FOXP1: variants seen among roughly 807,000 people sequenced by gnomAD.
FOXP1 encodes forkhead box P1.
In FOXP1, 15 loss-of-function variants were observed where a neutral mutation model predicts 98.2. The ratio of observed to expected loss-of-function variants is 0.15; its 90% CI spans 0.10 to 0.24. FOXP1 has a LOEUF of 0.24. Ranked by LOEUF, FOXP1 falls within the 10% of genes least tolerant of loss-of-function variation. FOXP1 has a pLI of 1.00. For missense variants in FOXP1, 633 were observed against 848.5 expected (o/e 0.75, Z 3.15); for synonymous variants, 371 against 314.5 (o/e 1.18, Z -1.90).
At chr3:71,300,870 C>T (rs1293380474) in intron 4 of FOXP1, among the ~76,000 whole-genome samples, 1 of 152,056 alleles carries the variant, frequency 6.6e-6, no homozygotes, top group Admixed American at 6.5e-5. Flanking sequence ...GGAATATATC[C>T]CTGCTCATCC....
intron 14 of FOXP1, 146 bp from the exon 15 acceptor site, chr3:70,978,175 C>T (rs777244361): frequency 1.3e-4 from 93 of 708,112 alleles, no homozygotes; most frequent in South Asian, 1.1e-3. Flanking sequence ...CCGAAACACA[C>T]GGTGAGTCCT....
At chr3:71,492,191 C>T (rs950887614) in intron 3 of FOXP1, among the ~76,000 whole-genome samples, 1 of 152,136 alleles carries the variant, frequency 6.6e-6, no homozygotes, top group African/African-American at 2.4e-5. Flanking sequence ...GTGGCTCACA[C>T]CTGTAATCCC....
chr3:71,363,716 C>CTTA (rs1560373459), intron 3 of FOXP1, among the ~76,000 whole-genome samples: 1 of 152,164 alleles, frequency 6.6e-6, no homozygotes, highest in African/African-American at 2.4e-5. Context: ...ACCAGCTAAA[C>CTTA]GTTCATCAAA....
intron 3 of FOXP1, among the ~76,000 whole-genome samples, chr3:71,422,987 A>G (rs1046237580): frequency 6.6e-6 from 1 of 152,180 alleles, no homozygotes; most frequent in African/African-American, 2.4e-5. Flanking sequence ...GGAGAAAACT[A>G]AAACTCATTC....
At chr3:71,265,990 C>G (rs954965135) in intron 5 of FOXP1, among the ~76,000 whole-genome samples, 1 of 152,172 alleles carries the variant, frequency 6.6e-6, no homozygotes, top group Admixed American at 6.5e-5. Context: ...TCTTGACCAA[C>G]CAGGCACACA....
chr3:71,074,639 G>A (rs1050730988), intron 7 of FOXP1, among the ~76,000 whole-genome samples: 8 of 152,272 alleles, frequency 5.3e-5, no homozygotes, highest in South Asian at 2.1e-4. Flanking sequence ...CTAGGCTTGG[G>A]GGTAAAACTA....
intron 5 of FOXP1, chr3:71,289,721 A>G (rs2072548817): frequency 6.6e-6 from 1 of 151,716 alleles, no homozygotes; most frequent in African/African-American, 2.4e-5. Context: ...ACTGTGGCTC[A>G]CTGTGGCCCC....
At chr3:71,072,456 T>C (rs1362901495) in intron 7 of FOXP1, among the ~76,000 whole-genome samples, 1 of 152,158 alleles carries the variant, frequency 6.6e-6, no homozygotes, top group Non-Finnish European at 1.5e-5. Context: ...ACCAAAAAAA[T>C]GTTTTTTGGG....
chr3:71,216,056 G>A (rs975572202), intron 5 of FOXP1, among the ~76,000 whole-genome samples: 1 of 152,170 alleles, frequency 6.6e-6, no homozygotes, highest in African/African-American at 2.4e-5. Flanking sequence ...AGTGCACCTG[G>A]CACGTGTCTA....
intron 4 of FOXP1, among the ~76,000 whole-genome samples, chr3:71,351,817 T>C (rs564068544): frequency 6.6e-6 from 1 of 152,118 alleles, no homozygotes; most frequent in Non-Finnish European, 1.5e-5. Flanking sequence ...AAATGAGGGC[T>C]AGAGAGATGA....
chr3:71,015,114 G>A (rs1007114245), intron 12 of FOXP1, among the ~76,000 whole-genome samples: 7 of 151,194 alleles, frequency 4.6e-5, no homozygotes, highest in South Asian at 2.1e-4. Flanking sequence ...TTGTGCACAC[G>A]TACCCTAGAA....
intron 3 of FOXP1, among the ~76,000 whole-genome samples, chr3:71,420,060 T>C (rs2083515884): frequency 6.6e-6 from 1 of 152,014 alleles, no homozygotes; most frequent in African/African-American, 2.4e-5. Flanking sequence ...CTGCCCACCT[T>C]GGCCTCCCAA....
At chr3:71,196,469 CA>C (rs11437808) in intron 6 of FOXP1, among the ~76,000 whole-genome samples, 1 of 151,684 alleles carries the variant, frequency 6.6e-6, no homozygotes, top group African/African-American at 2.4e-5. Flanking sequence ...TTTAGCTCCT[CA>C]AAAAAAATCA....
intron 3 of FOXP1, among the ~76,000 whole-genome samples, chr3:71,435,162 A>G (rs1459640216): frequency 7.1e-6 from 1 of 141,540 alleles, no homozygotes; most frequent in Non-Finnish European, 1.5e-5. Flanking sequence ...AGGAAGGAGA[A>G]GGAGGGAAAG....
At chr3:71,034,918 G>A (rs1042066900) in intron 11 of FOXP1, among the ~76,000 whole-genome samples, 2 of 152,144 alleles carry the variant, frequency 1.3e-5, no homozygotes, top group African/African-American at 4.8e-5. Flanking sequence ...CCAGTGGGCT[G>A]CTCCCCAGAC....
intron 3 of FOXP1, among the ~76,000 whole-genome samples, chr3:71,370,785 A>C (rs2079243707): frequency 2.9e-5 from 4 of 139,778 alleles, no homozygotes; most frequent in Admixed American, 2.4e-4. Flanking sequence ...CCAACCCTAG[A>C]GTTTTTTTTG....
chr3:71,213,731 G>A (rs113189684), intron 5 of FOXP1, among the ~76,000 whole-genome samples: 2 of 152,094 alleles, frequency 1.3e-5, no homozygotes, highest in Admixed American at 1.3e-4. Context: ...CAGGTGAATC[G>A]CTTGAACCCG....
At chr3:71,021,675 C>T (rs535549312) in intron 11 of FOXP1, among the ~76,000 whole-genome samples, 15 of 152,304 alleles carry the variant, frequency 9.8e-5, no homozygotes, top group Non-Finnish European at 2.1e-4. Flanking sequence ...AATTTCTCCA[C>T]GTCCTTGCCA....
At chr3:71,192,728 C>T (rs951196573) in intron 6 of FOXP1, among the ~76,000 whole-genome samples, 2 of 152,150 alleles carry the variant, frequency 1.3e-5, no homozygotes, top group Admixed American at 6.5e-5. Context: ...CAGTTCACTG[C>T]GGCCTCGACC....
Sources: gnomAD v4.1 joint callset for allele counts (sites outside exome capture counted in the v4.1 genomes callset) on GRCh38, gnomAD v4.1.1 for gene constraint, MANE v1.5 for transcripts, NCBI Gene and HGNC (gene_info 2026-07-23, HGNC 2026-07-21) for gene names.